DMD: variants seen among roughly 807,000 people sequenced by gnomAD.
DMD encodes dystrophin.
In DMD, 63 loss-of-function variants were observed where a neutral mutation model predicts 330.1. The observed-to-expected ratio is 0.19, with a 90% CI of 0.16 to 0.24. The LOEUF is 0.24. Ranked by LOEUF, DMD falls within the 10% of genes least tolerant of loss-of-function variation. The probability of loss-of-function intolerance (pLI) is 1.00; values close to 1 mark genes in which losing one functional copy is unlikely to be tolerated. For missense variants in DMD, 3,344 were observed against 2,684.1 expected (o/e 1.25, Z -5.43); for synonymous variants, 1,223 against 959.8 (o/e 1.27, Z -5.07).
intron 59 of DMD, among the ~76,000 whole-genome samples, chrX:31,458,555 A>G (rs1050315867): frequency 2.8e-5 from 3 of 107,466 alleles, no homozygotes; most frequent in African/African-American, 6.8e-5. Context: ...GGCCAAATCT[A>G]CCCTTTAGAA....
intron 2 of DMD, among the ~76,000 whole-genome samples, chrX:32,953,576 C>A (rs2146960911): frequency 8.9e-6 from 1 of 111,796 alleles, no homozygotes; most frequent in South Asian, 3.7e-4. Context: ...CATTGCTAGT[C>A]CCCACTTACA....
At position 32,071,903 on chromosome X, in the gene DMD, G is replaced by T. The variant is rs1455131764; in HGVS notation, c.6439-103389C>A. On this transcript the variant is annotated intron_variant, in intron 44 of 78. Transcript: ENST00000357033. The stretch of plus-strand genomic sequence containing the variant: ...TTCTCTTCAATGATATGTATGAAGA[G>T]AAATATTAATGTTAGAAAGGTAATG... Among the ~76,000 whole-genome samples, 27 of 111,513 alleles carry T rather than the reference G, an allele frequency of 2.4e-4. 2 individuals carry two copies. Among genetic ancestry groups the T allele is most frequent in the Non-Finnish European group, 3.8e-5 (2 of 53,033 alleles).
At chrX:33,236,836 G>A (rs16998396) in intron 1 of DMD, among the ~76,000 whole-genome samples, 1,461 of 111,197 alleles carry the variant, frequency 0.013, 27 homozygotes, top group African/African-American at 0.045. Flanking sequence ...GGGAAGGACC[G>A]GGTGGTAGTG....
chrX:32,294,170 C>T (rs1490461280), intron 42 of DMD, among the ~76,000 whole-genome samples: 3 of 112,064 alleles, frequency 2.7e-5, no homozygotes, highest in Non-Finnish European at 5.6e-5. Flanking sequence ...TGCTTGGCTG[C>T]CAGTCCAATG....
chrX:32,741,817 A>C (rs775538991), intron 7 of DMD, among the ~76,000 whole-genome samples: 25 of 111,889 alleles, frequency 2.2e-4, no homozygotes, highest in Non-Finnish European at 3.9e-4. Context: ...CATATAAATT[A>C]TATCTCAATA....
chrX:31,560,556 G>T (rs62590931), intron 55 of DMD, among the ~76,000 whole-genome samples: 7,613 of 110,378 alleles, frequency 0.069, 227 homozygotes, highest in African/African-American at 0.11. Flanking sequence ...TTACGGATAG[G>T]GACATTTCAA....
At chrX:33,148,320 G>T (rs1197339548) in intron 1 of DMD, among the ~76,000 whole-genome samples, 1 of 112,406 alleles carries the variant, frequency 8.9e-6, no homozygotes, top group Non-Finnish European at 1.9e-5. Context: ...CTAAAAGCCA[G>T]TGAGAAGACG....
intron 9 of DMD, among the ~76,000 whole-genome samples, chrX:32,666,763 G>A (rs765242468): frequency 7.5e-5 from 8 of 107,372 alleles, no homozygotes; most frequent in Non-Finnish European, 1.3e-4. Flanking sequence ...GGGAGGCAGG[G>A]GTGCAGTGAG....
chrX:31,433,321 T>TA (rs2064221468), intron 60 of DMD, among the ~76,000 whole-genome samples: 1 of 112,161 alleles, frequency 8.9e-6, no homozygotes, highest in African/African-American at 3.2e-5. Flanking sequence ...AGGTTGACTT[T>TA]ATGTCTTTGC....
At position 32,573,762 on chromosome X, in the gene DMD, G is replaced by T. The variant is rs145739725; in HGVS notation, c.1687C>A (p.Arg563Ser). Residue 563 changes from arginine to serine, a missense_variant, in exon 14 of 79, where the codon CGT becomes AGT. Transcript: ENST00000357033. Reference protein sequence around the residue: ...LLQDILLKWQRLTEEQCLFSA... With the variant: ...LLQDILLKWQSLTEEQCLFSA... ...TGACACACCTGTTCTTCAGTAAGAC[G>T]TTGCCATTTGAGAAGGATGTCTTGT... is the stretch of plus-strand genomic sequence containing the variant. 9.0e-5 allele frequency: 109 copies of T among 1,209,241 alleles called. No individual in the cohort carries two copies. The highest frequency in any genetic ancestry group is 1.2e-4 in the Non-Finnish European group (108 of 894,717).
In DMD at chrX:31,182,904, C is replaced by G; in HGVS notation, c.9808G>C (p.Ala3270Pro). 8.3e-7 allele frequency: 1 copy of G among 1,205,104 alleles called. No individual in the cohort carries two copies. The highest frequency in any genetic ancestry group is 1.1e-6 in the Non-Finnish European group (1 of 892,412). The change falls in exon 68 of 79, where the codon GCT (alanine) becomes CCT (proline). Residue 3270 changes from alanine to proline, a missense_variant and splice_region_variant. By Grantham distance (27) the Ala-to-Pro change is conservative. Coordinates refer to ENST00000357033, the MANE Select transcript of DMD (RefSeq NM_004006.3). ...EPSVRSCFQF[A>P]NNKPEIEAAL... ...GCTTCGATCTCTGGCTTATTATTAG[C>G]CTGCAAAGACAGGAGGGAGAGAGAA...
intron 61 of DMD, among the ~76,000 whole-genome samples, chrX:31,330,007 C>A (rs1336233248): frequency 1.0e-5 from 1 of 99,473 alleles, no homozygotes; most frequent in Non-Finnish European, 2.0e-5. Context: ...AAAGAGGGTC[C>A]ATCTCATGTT....
chrX:32,335,542 A>C (rs887386503), intron 41 of DMD, among the ~76,000 whole-genome samples: 8 of 102,486 alleles, frequency 7.8e-5, no homozygotes, highest in Admixed American at 4.5e-4. Flanking sequence ...AACATGTTAT[A>C]TATAACGTGT....
At chrX:32,421,988 T>G (rs1024472034) in intron 29 of DMD, among the ~76,000 whole-genome samples, 3 of 111,619 alleles carry the variant, frequency 2.7e-5, no homozygotes, top group African/African-American at 9.8e-5. Flanking sequence ...AAAAATCTGC[T>G]GCAGTTTCCT....
intron 13 of DMD, among the ~76,000 whole-genome samples, chrX:32,593,634 T>C (rs948909005): frequency 3.4e-4 from 38 of 111,173 alleles, no homozygotes; most frequent in African/African-American, 1.2e-3. Flanking sequence ...TTTTTAACTG[T>C]CTTACCTGGT....
chrX:32,349,783 T>A (rs1446722304), intron 37 of DMD, among the ~76,000 whole-genome samples: 1 of 111,878 alleles, frequency 8.9e-6, no homozygotes, highest in Admixed American at 9.5e-5. Flanking sequence ...GAGATAATTT[T>A]AAGTGACCTA....
At chrX:32,848,170 C>A (rs1324925300) in intron 3 of DMD, among the ~76,000 whole-genome samples, 1 of 111,874 alleles carries the variant, frequency 8.9e-6, no homozygotes, top group Non-Finnish European at 1.9e-5. Context: ...AGCCTCCTAA[C>A]AGAGGGCCAG....
intron 52 of DMD, among the ~76,000 whole-genome samples, chrX:31,720,533 C>G (rs976629742): frequency 6.3e-5 from 7 of 111,699 alleles, no homozygotes; most frequent in Non-Finnish European, 1.3e-4. Flanking sequence ...GGGCTCATCT[C>G]TGTTTGTATT....
At chrX:32,523,446 T>A (rs938690091) in intron 17 of DMD, among the ~76,000 whole-genome samples, 1 of 112,134 alleles carries the variant, frequency 8.9e-6, no homozygotes, top group Admixed American at 9.4e-5. Context: ...CCATAAAAAA[T>A]TCTCTGACAT....
Sources: allele counts gnomAD v4.1 joint callset (sites outside exome capture counted in the v4.1 genomes callset), GRCh38; gene constraint gnomAD v4.1.1; transcripts MANE v1.5; gene names NCBI Gene and HGNC (gene_info 2026-07-23, HGNC 2026-07-21).